The following TOGARAM2 variants were observed in gnomAD, a reference collection of about 807,000 sequenced individuals.
TOGARAM2 encodes TOG array regulator of axonemal microtubules 2.
Under a neutral mutation model 93.3 loss-of-function variants are expected in TOGARAM2, and 85 were observed. The observed-to-expected ratio is 0.91, with a 90% CI of 0.76 to 1.09. The LOEUF (loss-of-function observed/expected upper bound fraction) is 1.09. Among genes scored for constraint, TOGARAM2 ranks in the 50% least tolerant of loss-of-function variants. The pLI, the probability that TOGARAM2 is intolerant of heterozygous loss-of-function variation, is 0.00. For missense variants in TOGARAM2, 1,277 were observed against 1,334.5 expected (o/e 0.96, Z 0.67); for synonymous variants, 593 against 552.8 (o/e 1.07, Z -1.02).
intron 8 of TOGARAM2, among the ~76,000 whole-genome samples, chr2:29,015,435 T>A (rs1042859624): frequency 6.6e-6 from 1 of 152,212 alleles, no homozygotes; most frequent in Admixed American, 6.5e-5. Flanking sequence ...ATCCTTCAGT[T>A]CCAACACTTG....
intron 1 of TOGARAM2, among the ~76,000 whole-genome samples, chr2:28,991,003 T>G (rs1301589210): frequency 7.1e-6 from 1 of 141,774 alleles, no homozygotes; most frequent in African/African-American, 2.6e-5. Context: ...TGTGTGTGTG[T>G]GTGTGTGTGT....
intron 1 of TOGARAM2, among the ~76,000 whole-genome samples, chr2:28,964,472 T>G (rs1049707611): frequency 6.6e-5 from 10 of 151,964 alleles, no homozygotes; most frequent in African/African-American, 2.4e-4. Context: ...GGTCTTGTTT[T>G]TTTTTTTTTT....
intron 1 of TOGARAM2, among the ~76,000 whole-genome samples, chr2:28,968,838 A>C (rs1242632617): frequency 7.9e-6 from 1 of 126,478 alleles, no homozygotes; most frequent in Non-Finnish European, 1.7e-5. Flanking sequence ...AAAAAAAAAA[A>C]AACAAGGAAA....
chr2:29,015,463 A>G (rs1163902986), intron 8 of TOGARAM2, among the ~76,000 whole-genome samples: 1 of 152,208 alleles, frequency 6.6e-6, no homozygotes. Context: ...TCTGGCATCA[A>G]CAATATTCTC....
At chr2:29,049,346 A>G (rs1367642870) in intron 19 of TOGARAM2, 3 of 152,214 alleles carry the variant, frequency 2.0e-5, no homozygotes, top group Admixed American at 6.5e-5. Context: ...CATTAAATGT[A>G]TATACCACAT....
intron 14 of TOGARAM2, among the ~76,000 whole-genome samples, chr2:29,028,327 G>A (rs115983571): frequency 0.017 from 2,595 of 152,214 alleles, 69 homozygotes; most frequent in African/African-American, 0.059. Flanking sequence ...TAGTGCCTGC[G>A]GTTCCTCCCA....
At chr2:29,034,243 C>T (rs1665948657) in intron 16 of TOGARAM2, among the ~76,000 whole-genome samples, 2 of 152,232 alleles carry the variant, frequency 1.3e-5, no homozygotes, top group Non-Finnish European at 1.5e-5. Context: ...TGCCCCTCCA[C>T]ATCCTCTCTC....
At chr2:28,999,079 AGTGGCTGCCT>A in intron 3 of TOGARAM2, 92 bp from the exon 4 acceptor site, 2 of 1,226,886 alleles carry the variant, frequency 1.6e-6, no homozygotes, top group Non-Finnish European at 2.2e-6. Context: ...TCACCAGGCA[AGTGGCTGCCT>A]GTTAGAAGGA....
Position 29,033,035 on chromosome 2 carries a change from C to T in TOGARAM2, c.2114C>T (p.Ala705Val), listed in dbSNP as rs373389235. Residue 705 changes from alanine to valine, a missense_variant, in exon 15 of 20, where the codon GCG (alanine) becomes GTG (valine). Ala to Val is a moderately conservative substitution (Grantham distance 64, BLOSUM62 0). Coordinates refer to ENST00000379558, the MANE Select transcript of TOGARAM2 (RefSeq NM_199280.4). ...LPSYDLQKVM[A>V]AIKQQGIEDN... ...TCTTACGACTTGCAGAAGGTCATGG[C>T]GGCCATTAAACAGCAGGTGAGCTGT... 18 of 1,613,286 alleles carry T rather than the reference C, an allele frequency of 1.1e-5. No individual in the cohort carries two copies. In the East Asian group the frequency reaches 1.6e-4, roughly 14 times the overall value.
chr2:29,015,288 CCA>C (rs1339433861), intron 8 of TOGARAM2, among the ~76,000 whole-genome samples: 1 of 152,162 alleles, frequency 6.6e-6, no homozygotes, highest in Non-Finnish European at 1.5e-5. Context: ...AGCTGATCCT[CCA>C]CCCCACTTCT....
intron 10 of TOGARAM2, 131 bp from the exon 11 acceptor site, chr2:29,022,027 G>C: frequency 8.0e-7 from 1 of 1,244,628 alleles, no homozygotes. Flanking sequence ...ACTTCCACTT[G>C]TACACCCTCC....
Position 29,022,380 on chromosome 2 carries a change from C to T in TOGARAM2, c.1511+72C>T, listed in dbSNP as rs147183281. On this transcript the variant is annotated intron_variant, in intron 11 of 19. Coordinates refer to ENST00000379558, the MANE Select transcript of TOGARAM2 (RefSeq NM_199280.4). Reference sequence around the variant, plus strand: ...GGCTGTTGCAGAATAGCTTCTGCCCCTCAACTTCCCTCCTCTCCCACTCTG... The same window carrying T: ...GGCTGTTGCAGAATAGCTTCTGCCCTTCAACTTCCCTCCTCTCCCACTCTG... The T allele has an allele frequency of 7.0e-4, 1,097 of 1,559,114 alleles. 1 individual carries two copies. The highest frequency in any genetic ancestry group is 7.0e-4 in the Non-Finnish European group (808 of 1,150,082).
At position 29,017,240 on chromosome 2, in the gene TOGARAM2, G is replaced by GCCCAGGACA; in HGVS notation, c.1132_1140dup (p.Pro378_Thr380dup). 6.2e-7 allele frequency: 1 copy of GCCCAGGACA among 1,613,978 alleles called. No individual in the cohort carries two copies. The highest frequency in any genetic ancestry group is 1.3e-5 in the African/African-American group (1 of 75,034). ...TGGAGCTGCTTCGGAGGCTGGAGGA[G>GCCCAGGACA]CCCAGGACAGGGCAGGAGCTCACTT... On this transcript the variant is annotated inframe_insertion, in exon 9 of 20. Coordinates refer to ENST00000379558, the MANE Select transcript of TOGARAM2 (RefSeq NM_199280.4).
chr2:29,043,126 T>C (rs935191384), intron 18 of TOGARAM2, among the ~76,000 whole-genome samples: 5 of 152,236 alleles, frequency 3.3e-5, no homozygotes, highest in Admixed American at 6.5e-5. Context: ...GTGCCATTCA[T>C]ATGAAAATCT....
chr2:29,019,046 T>A (rs964971711), intron 10 of TOGARAM2, among the ~76,000 whole-genome samples: 2 of 152,234 alleles, frequency 1.3e-5, no homozygotes, highest in Non-Finnish European at 2.9e-5. Flanking sequence ...GGATTTGAAA[T>A]TCTTTTGTGA....
chr2:28,982,045 T>C (rs1385478914), intron 1 of TOGARAM2, among the ~76,000 whole-genome samples: 1 of 152,174 alleles, frequency 6.6e-6, no homozygotes, highest in Non-Finnish European at 1.5e-5. Context: ...TCTTTCTGGC[T>C]GTGTGGACTT....
intron 16 of TOGARAM2, among the ~76,000 whole-genome samples, chr2:29,033,899 C>G (rs1396358140): frequency 6.6e-6 from 1 of 152,112 alleles, no homozygotes; most frequent in Non-Finnish European, 1.5e-5. Context: ...GATCCTTTAA[C>G]CACCAGAGTG....
At chr2:29,037,815 A>G (rs1312265879) in intron 18 of TOGARAM2, among the ~76,000 whole-genome samples, 1 of 152,186 alleles carries the variant, frequency 6.6e-6, no homozygotes, top group Non-Finnish European at 1.5e-5. Context: ...CCAGCTCTAA[A>G]TTACGGCTTG....
chr2:29,027,307 G>A (rs970127987), intron 14 of TOGARAM2, among the ~76,000 whole-genome samples: 1 of 152,004 alleles, frequency 6.6e-6, no homozygotes, highest in Non-Finnish European at 1.5e-5. Flanking sequence ...GAACATTCAG[G>A]CCTTTTTTTC....
Sources: allele counts gnomAD v4.1 joint callset (sites outside exome capture counted in the v4.1 genomes callset), GRCh38; gene constraint gnomAD v4.1.1; transcripts MANE v1.5; gene names NCBI Gene and HGNC (gene_info 2026-07-23, HGNC 2026-07-21).